The following AVEN variants were observed in gnomAD, a reference collection of about 807,000 sequenced individuals.
AVEN encodes apoptosis and caspase activation inhibitor.
In AVEN, 41 loss-of-function variants were observed where a neutral mutation model predicts 38.1. The observed-to-expected ratio is 1.08, with a 90% CI of 0.84 to 1.40. The LOEUF (loss-of-function observed/expected upper bound fraction) is 1.40, where lower values mean the gene tolerates loss of function less well. Ranked by LOEUF, AVEN falls within the 40% of genes most tolerant of loss-of-function variation. AVEN has a pLI of 0.00. For synonymous variants in AVEN, 206 were observed against 171.8 expected, an observed-to-expected ratio of 1.20 and a Z score of -1.56; for missense variants, 605 against 438.8, an observed-to-expected ratio of 1.38 and a Z score of -3.38.
At chr15:33,961,536 G>GGGCGC (rs1597277199) in intron 2 of AVEN, among the ~76,000 whole-genome samples, 1 of 151,972 alleles carries the variant, frequency 6.6e-6, no homozygotes, top group Non-Finnish European at 1.5e-5. Context: ...TGTCTGCACT[G>GGGCGC]GGTGAGGTGG....
intron 1 of AVEN, chr15:34,007,166 A>G (rs1897393537): frequency 2.1e-5 from 9 of 431,514 alleles, no homozygotes; most frequent in Non-Finnish European, 2.8e-5. Context: ...CCAATGACAC[A>G]CACACACAAA....
rs12324797 is a variant in AVEN at position 33,965,689 on chromosome 15, G to A, written c.445+37343C>T. ...CATAGAGTTGTAAAAAGGGAGATGA[G>A]AGTTGAGACATCTGAACAAAAGAAA... On this transcript the variant is annotated intron_variant, in intron 2 of 5. Transcript: ENST00000306730. Among the ~76,000 whole-genome samples the A allele has an allele frequency of 6.0e-3, 908 of 152,136 alleles. 17 individuals are homozygous for A. Among genetic ancestry groups the A allele is most frequent in the African/African-American group, 0.021 (873 of 41,510 alleles).
intron 2 of AVEN, among the ~76,000 whole-genome samples, chr15:33,887,848 C>T (rs1204150943): frequency 6.6e-6 from 1 of 151,976 alleles, no homozygotes; most frequent in Non-Finnish European, 1.5e-5. Context: ...ACTTGTCTGA[C>T]ACCTAAAATG....
In AVEN at chr15:33,943,823, T is replaced by TAAAAA. The variant is rs71119905; in HGVS notation, c.445+59204_445+59208dup. 3.2e-3 allele frequency among the ~76,000 whole-genome samples: 282 copies of TAAAAA among 88,870 alleles called. 1 individual carries two copies. The highest frequency in any genetic ancestry group is 0.015 in the South Asian group (32 of 2,200). The allele number at this position is 88,870 out of a possible 152,430, so 58.3% of individuals were successfully genotyped here. A position where few individuals can be genotyped will look rare whatever the true frequency, so the allele number is the denominator to read the frequency against. ...GGGTGACAGAGCAAGACTCCGTCTT[T>TAAAAA]AAAAAAAAAAAAAAAAAAAAAAAAA... On this transcript the variant is annotated intron_variant, in intron 2 of 5. Transcript: ENST00000306730.
chr15:33,875,782 A>C, intron 3 of AVEN, 143 bp downstream of exon 3: 2 of 726,966 alleles, frequency 2.8e-6, no homozygotes, highest in South Asian at 2.5e-5. Flanking sequence ...CCCCCTGAAA[A>C]TTTTCTGAAA....
At chr15:33,887,858 G>A (rs1226477671) in intron 2 of AVEN, among the ~76,000 whole-genome samples, 2 of 151,998 alleles carry the variant, frequency 1.3e-5, no homozygotes, top group Non-Finnish European at 2.9e-5. Flanking sequence ...CACCTAAAAT[G>A]TTGAGTATTA....
At chr15:33,854,322 C>G, downstream of AVEN, 1 of 1,332,660 alleles carries the variant, frequency 7.5e-7, no homozygotes, top group Non-Finnish European at 1.0e-6. Context: ...CTTACTTTTT[C>G]CCCCTTATTG....
the AVEN span, chr15:33,853,743 C>G: frequency 6.4e-7 from 1 of 1,562,780 alleles, no homozygotes; most frequent in Non-Finnish European, 8.7e-7. Context: ...TTTGCTTTTC[C>G]ATAGGAAAAA....
intron 2 of AVEN, among the ~76,000 whole-genome samples, chr15:33,975,347 A>G (rs932765443): frequency 2.6e-5 from 4 of 152,218 alleles, no homozygotes; most frequent in Non-Finnish European, 5.9e-5. Context: ...TTTCTAGAGC[A>G]AGAGGGCACA....
intron 2 of AVEN, among the ~76,000 whole-genome samples, chr15:33,937,089 C>T (rs1045291704): frequency 1.4e-5 from 2 of 144,682 alleles, no homozygotes; most frequent in African/African-American, 5.2e-5. Context: ...CGAGATCGCG[C>T]CACTGCCCTT....
chr15:33,977,113 G>C (rs1322781804), intron 2 of AVEN, among the ~76,000 whole-genome samples: 2 of 152,154 alleles, frequency 1.3e-5, no homozygotes, highest in Non-Finnish European at 2.9e-5. Context: ...AGATAGGAAG[G>C]TTGAAAGGCT....
At chr15:34,008,728 T>C (rs912800035) in intron 1 of AVEN, among the ~76,000 whole-genome samples, 5 of 152,054 alleles carry the variant, frequency 3.3e-5, no homozygotes, top group Non-Finnish European at 7.4e-5. Context: ...GACCTCGTGA[T>C]CTGCCCGCTT....
intron 5 of AVEN, chr15:34,046,608 C>A (rs933639167): frequency 7.9e-5 from 12 of 152,286 alleles, no homozygotes; most frequent in African/African-American, 2.9e-4. Context: ...ATCAAGAATA[C>A]TCAGGAGCTT....
downstream of AVEN, chr15:33,854,633 G>A: frequency 2.5e-6 from 3 of 1,219,380 alleles, no homozygotes; most frequent in South Asian, 1.5e-5. Context: ...AGCAGATCTT[G>A]GGCCAGCTCA....
chr15:33,988,003 T>C (rs1896551786), intron 2 of AVEN, among the ~76,000 whole-genome samples: 1 of 152,180 alleles, frequency 6.6e-6, no homozygotes, highest in Non-Finnish European at 1.5e-5. Context: ...CCAACTTCCA[T>C]AGGCCAAAAG....
chr15:33,877,057 G>C (rs1891263574), intron 2 of AVEN, among the ~76,000 whole-genome samples: 1 of 152,134 alleles, frequency 6.6e-6, no homozygotes, highest in Admixed American at 6.5e-5. Context: ...CAGAGAAAAA[G>C]TTAAAGTCAA....
chr15:33,989,852 A>T (rs1254902039), intron 2 of AVEN, among the ~76,000 whole-genome samples: 2 of 151,010 alleles, frequency 1.3e-5, no homozygotes, highest in African/African-American at 4.9e-5. Flanking sequence ...CTAAAAGATA[A>T]TCATACAAAG....
In AVEN at chr15:33,975,746, A is replaced by T. The variant is rs139237449; in HGVS notation, c.445+27286T>A. On this transcript the variant is annotated intron_variant, in intron 2 of 5. Transcript: ENST00000306730. Reference sequence around the variant, plus strand: ...GGAGTTCAAGACCAGCCTGACCAACATGGTGAAATCCCATCTCTACTGAGA... The same window carrying T: ...GGAGTTCAAGACCAGCCTGACCAACTTGGTGAAATCCCATCTCTACTGAGA... 5.1e-3 allele frequency among the ~76,000 whole-genome samples: 781 copies of T among 152,264 alleles called. 2 individuals are homozygous for T. The highest frequency in any genetic ancestry group is 8.5e-3 in the Non-Finnish European group (577 of 68,016).
chr15:33,859,633 T>C, intron 11 of AVEN: 1 of 1,614,062 alleles, frequency 6.2e-7, no homozygotes, highest in South Asian at 1.1e-5. Flanking sequence ...GGTGATGAAA[T>C]TGAAGACCCT....
Sources: gnomAD v4.1 joint callset for allele counts (sites outside exome capture counted in the v4.1 genomes callset) on GRCh38, gnomAD v4.1.1 for gene constraint, MANE v1.5 for transcripts, NCBI Gene and HGNC (gene_info 2026-07-23, HGNC 2026-07-21) for gene names.